KIF6: variants seen among roughly 807,000 people sequenced by gnomAD.
KIF6 encodes the protein kinesin family member 6.
In KIF6, 106 loss-of-function variants were observed where a neutral mutation model predicts 112.7. The ratio of observed to expected loss-of-function variants is 0.94; its 90% confidence interval spans 0.80 to 1.11. The LOEUF is 1.11. KIF6 is among the 50% of genes least tolerant of loss of function. KIF6 has a pLI of 0.00. For missense variants in KIF6, 929 were observed against 964.0 expected (o/e 0.96, Z 0.48); for synonymous variants, 339 against 339.9 (o/e 1.00, Z 0.03).
intron 15 of KIF6, 77 bp from the exon 16 acceptor site, chr6:39,385,749 A>C (rs1486144614): frequency 7.1e-5 from 54 of 762,074 alleles, no homozygotes; most frequent in Non-Finnish European, 4.7e-5. Flanking sequence ...GCATGTGGCA[A>C]GCTACAGAAA....
At chr6:39,577,805 C>A (rs1371468603) in intron 10 of KIF6, among the ~76,000 whole-genome samples, 1 of 152,172 alleles carries the variant, frequency 6.6e-6, no homozygotes, top group South Asian at 2.1e-4. Flanking sequence ...CTTCAGCTGG[C>A]ATGAGAAGGA....
intron 13 of KIF6, among the ~76,000 whole-genome samples, chr6:39,499,315 G>T (rs571796209): frequency 3.3e-5 from 5 of 152,004 alleles, no homozygotes; most frequent in Non-Finnish European, 7.4e-5. Flanking sequence ...AAAGAATGAA[G>T]AGCAGTTGGC....
At chr6:39,371,570 T>G (rs1765996201) in intron 16 of KIF6, among the ~76,000 whole-genome samples, 1 of 152,148 alleles carries the variant, frequency 6.6e-6, no homozygotes, top group South Asian at 2.1e-4. Flanking sequence ...TCTAGTAACT[T>G]TTCCCTGTCT....
chr6:39,340,341 C>T lies in KIF6; in HGVS notation c.2428+3368G>A, dbSNP rs1363965802. Among the ~76,000 whole-genome samples, 5 of 128,258 alleles carry T rather than the reference C, an allele frequency of 3.9e-5. No homozygotes were observed. In the East Asian group the frequency reaches 6.9e-4, roughly 18 times the overall value. The allele number at this position is 128,258 out of a possible 152,430, so 84.1% of individuals were successfully genotyped here. A position where few individuals can be genotyped will look rare whatever the true frequency, so the allele number is the denominator to read the frequency against. ...CCAGCTGCAGGGTGGGTAGAGGCTG[C>T]GGTCACTCCCCTCGTCAATGCTGGT... On this transcript the variant is annotated intron_variant, in intron 22 of 22. Transcript: ENST00000287152.
At position 39,438,624 on chromosome 6, in the gene KIF6, T is replaced by G. The variant is rs558640034; in HGVS notation, c.1646-7463A>C. 3.2e-4 allele frequency among the ~76,000 whole-genome samples: 48 copies of G among 152,338 alleles called. No homozygotes were observed. In the East Asian group the frequency reaches 8.7e-3, roughly 28 times the overall value. The stretch of plus-strand genomic sequence containing the variant: ...TGTATAATGTGTGTTTTAAGCTAAG[T>G]GTTATTACAGAATTAAAAAGTTAAA... On this transcript the variant is annotated intron_variant, in intron 13 of 22. Transcript: ENST00000287152.
chr6:39,649,830 C>T (rs1307083273), intron 3 of KIF6, among the ~76,000 whole-genome samples: 3 of 152,186 alleles, frequency 2.0e-5, no homozygotes, highest in Non-Finnish European at 2.9e-5. Flanking sequence ...CGTAAGCAAT[C>T]CTCTCACACC....
At chr6:39,382,901 G>T (rs1767081054) in intron 16 of KIF6, among the ~76,000 whole-genome samples, 1 of 142,320 alleles carries the variant, frequency 7.0e-6, no homozygotes, top group South Asian at 2.1e-4. Context: ...ATTTTGATTT[G>T]CATCTTTCTG....
intron 6 of KIF6, among the ~76,000 whole-genome samples, chr6:39,611,086 A>T (rs2150715915): frequency 6.6e-6 from 1 of 152,288 alleles, no homozygotes; most frequent in Non-Finnish European, 1.5e-5. Flanking sequence ...TGGTCAGGCC[A>T]CTTGAGGCCA....
intron 14 of KIF6, among the ~76,000 whole-genome samples, chr6:39,426,313 A>T (rs893397023): frequency 6.6e-6 from 1 of 152,224 alleles, no homozygotes. Context: ...CGAACATCCT[A>T]TTCATGTGCC....
chr6:39,391,496 C>G (rs1025770525), intron 15 of KIF6, among the ~76,000 whole-genome samples: 1 of 152,172 alleles, frequency 6.6e-6, no homozygotes, highest in Non-Finnish European at 1.5e-5. Flanking sequence ...CTCACGGGCT[C>G]TATACAGGGT....
At chr6:39,682,999 C>A (rs901204670) in intron 3 of KIF6, among the ~76,000 whole-genome samples, 2 of 152,202 alleles carry the variant, frequency 1.3e-5, no homozygotes, top group Non-Finnish European at 2.9e-5. Flanking sequence ...GGCCAAAGGG[C>A]AAGAACAATC....
At position 39,472,694 on chromosome 6, in the gene KIF6, C is replaced by A. The variant is rs1021072423; in HGVS notation, c.1646-41533G>T. ...GAGCTGCCTGACTTTCTTGACCTTGCAGAAAAATAAAATACTCCAGGTTTT... is the reference window on the plus strand; with the variant it reads ...GAGCTGCCTGACTTTCTTGACCTTGAAGAAAAATAAAATACTCCAGGTTTT... On this transcript the variant is annotated intron_variant, in intron 13 of 22. Transcript: ENST00000287152. Among the ~76,000 whole-genome samples the A allele has an allele frequency of 5.3e-5, 8 of 152,260 alleles. No individual in the cohort carries two copies. The East Asian group carries it at 7.7e-4, about 15-fold the overall frequency.
chr6:39,673,344 T>C (rs1173687983), intron 3 of KIF6, among the ~76,000 whole-genome samples: 1 of 152,146 alleles, frequency 6.6e-6, no homozygotes, highest in Non-Finnish European at 1.5e-5. Context: ...TGGGGAAAGG[T>C]TCAGATGCTA....
chr6:39,349,881 G>A (rs1447698410), intron 19 of KIF6, among the ~76,000 whole-genome samples: 1 of 152,102 alleles, frequency 6.6e-6, no homozygotes, highest in African/African-American at 2.4e-5. Context: ...TCCTGACCTC[G>A]TGATCCACCC....
chr6:39,700,776 C>T (rs899640003), intron 3 of KIF6, among the ~76,000 whole-genome samples: 8 of 151,678 alleles, frequency 5.3e-5, no homozygotes, highest in Non-Finnish European at 1.2e-4. Flanking sequence ...TGCAGTGGCA[C>T]GATCTCGGCT....
chr6:39,384,753 T>A (rs1247929621), intron 16 of KIF6, among the ~76,000 whole-genome samples: 2 of 152,132 alleles, frequency 1.3e-5, no homozygotes, highest in African/African-American at 4.8e-5. Context: ...CAAGGGGAAC[T>A]TTTTTTGTCT....
intron 13 of KIF6, among the ~76,000 whole-genome samples, chr6:39,532,417 A>G (rs1305006133): frequency 6.6e-6 from 1 of 152,208 alleles, no homozygotes; most frequent in Non-Finnish European, 1.5e-5. Context: ...GAATGAATAA[A>G]TGAATGAATA....
At chr6:39,443,518 A>T (rs958409024) in intron 13 of KIF6, among the ~76,000 whole-genome samples, 2 of 152,118 alleles carry the variant, frequency 1.3e-5, no homozygotes. Flanking sequence ...ATCTTGGCTC[A>T]CTGCAACCTT....
chr6:39,386,413 G>A (rs1169296344), intron 15 of KIF6, among the ~76,000 whole-genome samples: 1 of 152,126 alleles, frequency 6.6e-6, no homozygotes, highest in Non-Finnish European at 1.5e-5. Context: ...GACAAGACTT[G>A]GAGAGGAGGA....
Sources: gnomAD v4.1 joint callset for allele counts (sites outside exome capture counted in the v4.1 genomes callset) on GRCh38, gnomAD v4.1.1 for gene constraint, MANE v1.5 for transcripts, NCBI Gene and HGNC (gene_info 2026-07-23, HGNC 2026-07-21) for gene names.